CTNNBL1: variants seen among roughly 807,000 people sequenced by gnomAD.
CTNNBL1 encodes beta-catenin-like protein 1.
Under a neutral mutation model 72.7 loss-of-function variants are expected in CTNNBL1, and 31 were observed. That is an observed-to-expected ratio of 0.43 (90% confidence interval 0.32 to 0.58). The LOEUF (loss-of-function observed/expected upper bound fraction) is 0.58, where lower values mean the gene tolerates loss of function less well. CTNNBL1 is among the 20% of genes least tolerant of loss of function. The pLI is 0.08. For synonymous variants in CTNNBL1, 240 were observed against 267.3 expected (o/e 0.90, Z 1.00); for missense variants, 534 against 725.1 (o/e 0.74, Z 3.03).
chr20:37,846,392 G>T (rs1234963299), intron 13 of CTNNBL1, among the ~76,000 whole-genome samples: 4 of 151,926 alleles, frequency 2.6e-5, no homozygotes. Flanking sequence ...CTGGTTCTCC[G>T]ACTGTGGGCA....
intron 10 of CTNNBL1, among the ~76,000 whole-genome samples, chr20:37,780,537 A>G (rs1023563112): frequency 1.3e-5 from 2 of 152,162 alleles, no homozygotes; most frequent in Non-Finnish European, 2.9e-5. Context: ...TTTCAGACAT[A>G]AGATGCTGTT....
intron 1 of CTNNBL1, among the ~76,000 whole-genome samples, chr20:37,725,377 A>T (rs1474323244): frequency 2.0e-5 from 3 of 151,268 alleles, no homozygotes; most frequent in Admixed American, 2.0e-4. Flanking sequence ...GCTCACGGCA[A>T]CCTCTGCCTC....
chr20:37,694,258 C>T, intron 1 of CTNNBL1, 106 bp downstream of exon 1: 1 of 1,035,712 alleles, frequency 9.7e-7, no homozygotes, highest in Non-Finnish European at 1.3e-6. Flanking sequence ...CCCGGGCCCT[C>T]TAACTTCTCA....
At chr20:37,824,835 CAGTTATTACG>C (rs1309779453) in intron 11 of CTNNBL1, among the ~76,000 whole-genome samples, 1 of 152,160 alleles carries the variant, frequency 6.6e-6, no homozygotes, top group African/African-American at 2.4e-5. Context: ...ACTAGAGCTC[CAGTTATTACG>C]TCTATATTCC....
Position 37,823,056 on chromosome 20 carries a change from C to A in CTNNBL1, c.1214-17046C>A, listed in dbSNP as rs143912507. On this transcript the variant is annotated intron_variant, in intron 11 of 15. Transcript: ENST00000361383. ...GCCAATATATATTGTTGATTGTACC[C>A]GGTTAATAAAACAGCATGGACTCAT... 9.9e-5 allele frequency among the ~76,000 whole-genome samples: 15 copies of A among 152,232 alleles called. 1 individual carries two copies. In the East Asian group the frequency reaches 2.9e-3, roughly 29 times the overall value.
intron 10 of CTNNBL1, among the ~76,000 whole-genome samples, chr20:37,800,552 G>A (rs897817727): frequency 3.3e-5 from 5 of 152,084 alleles, no homozygotes; most frequent in Non-Finnish European, 7.4e-5. Flanking sequence ...TTCCCTGCTT[G>A]TGTGCCCACT....
At chr20:37,849,584 G>A (rs2072377862) in intron 13 of CTNNBL1, among the ~76,000 whole-genome samples, 1 of 152,204 alleles carries the variant, frequency 6.6e-6, no homozygotes, top group Non-Finnish European at 1.5e-5. Flanking sequence ...GTATCCTTCA[G>A]AATTTTGGCA....
At chr20:37,835,124 G>A (rs1310138343) in intron 11 of CTNNBL1, among the ~76,000 whole-genome samples, 1 of 152,168 alleles carries the variant, frequency 6.6e-6, no homozygotes, top group East Asian at 1.9e-4. Flanking sequence ...AGTACAAGTG[G>A]CCAGTAAACA....
intron 5 of CTNNBL1, among the ~76,000 whole-genome samples, chr20:37,760,872 C>T (rs1247066014): frequency 6.6e-6 from 1 of 151,364 alleles, no homozygotes; most frequent in Non-Finnish European, 1.5e-5. Flanking sequence ...ATTGAGTTCA[C>T]AAACATTTTT....
At chr20:37,711,693 C>G (rs2072939620) in intron 1 of CTNNBL1, among the ~76,000 whole-genome samples, 1 of 151,458 alleles carries the variant, frequency 6.6e-6, no homozygotes, top group Non-Finnish European at 1.5e-5. Flanking sequence ...TCTAGAAGGC[C>G]TCTTTGAGAG....
intron 15 of CTNNBL1, among the ~76,000 whole-genome samples, chr20:37,867,790 G>T (rs2072548713): frequency 1.3e-5 from 2 of 152,166 alleles, no homozygotes; most frequent in African/African-American, 2.4e-5. Context: ...TTAAACTGCT[G>T]CAGCAGCTGT....
Position 37,703,910 on chromosome 20 carries a change from C to T in CTNNBL1, c.30+9758C>T, listed in dbSNP as rs6020343. On this transcript the variant is annotated intron_variant, in intron 1 of 15. Transcript: ENST00000361383. ...CTCCTGCCTCAGCCTCCTGAGTCGC[C>T]GGGATTACAGGCATGTGCCACCACG... Among the ~76,000 whole-genome samples the T allele has an allele frequency of 4.6e-3, 706 of 151,936 alleles. 9 individuals are homozygous for T. The highest frequency in any genetic ancestry group is 0.017 in the East Asian group (87 of 5,150).
intron 5 of CTNNBL1, among the ~76,000 whole-genome samples, chr20:37,758,741 A>G (rs1361675181): frequency 6.6e-6 from 1 of 152,168 alleles, no homozygotes; most frequent in African/African-American, 2.4e-5. Context: ...TCTCTCTGGT[A>G]AGAATGTTAG....
At chr20:37,835,463 T>A (rs2294441) in intron 11 of CTNNBL1, among the ~76,000 whole-genome samples, 1 of 152,046 alleles carries the variant, frequency 6.6e-6, no homozygotes, top group Admixed American at 6.6e-5. Flanking sequence ...CCTACTGGGC[T>A]GTCACAATTA....
chr20:37,838,494 C>T (rs2072274155), intron 11 of CTNNBL1, among the ~76,000 whole-genome samples: 1 of 152,142 alleles, frequency 6.6e-6, no homozygotes, highest in South Asian at 2.1e-4. Flanking sequence ...CTGGTTTTGG[C>T]TGGAGAAACT....
At chr20:37,777,585 G>A (rs1056253795) in intron 8 of CTNNBL1, 69 bp from the exon 9 acceptor site, 2 of 1,482,132 alleles carry the variant, frequency 1.3e-6, no homozygotes, top group Non-Finnish European at 1.9e-6. Flanking sequence ...TGATGTATCA[G>A]TGTTAGACGG....
intron 15 of CTNNBL1, 39 bp downstream of exon 15, chr20:37,860,383 T>A: frequency 6.8e-7 from 1 of 1,464,646 alleles, no homozygotes; most frequent in Non-Finnish European, 9.6e-7. Flanking sequence ...CTCCAGAGGA[T>A]TAGATGATGC....
chr20:37,759,553 C>A (rs1366078251), intron 5 of CTNNBL1, among the ~76,000 whole-genome samples: 1 of 152,174 alleles, frequency 6.6e-6, no homozygotes, highest in East Asian at 1.9e-4. Flanking sequence ...TGGAAAGAAA[C>A]AGTTCACCCT....
chr20:37,732,758 C>T, intron 1 of CTNNBL1, 121 bp from the exon 2 acceptor site: 1 of 826,228 alleles, frequency 1.2e-6, no homozygotes, highest in South Asian at 2.1e-5. Flanking sequence ...GTCTCAAACT[C>T]CTGGGCTCAA....
Sources: gnomAD v4.1 joint callset for allele counts (sites outside exome capture counted in the v4.1 genomes callset) on GRCh38, gnomAD v4.1.1 for gene constraint, MANE v1.5 for transcripts, NCBI Gene and HGNC (gene_info 2026-07-23, HGNC 2026-07-21) for gene names.